TTLL7: variants seen among roughly 807,000 people sequenced by gnomAD.
The protein encoded by TTLL7 is tubulin tyrosine ligase like 7, also known as tubulin polyglutamylase TTLL7.
TTLL7 carries 53 observed loss-of-function variants against 120.2 expected under a neutral mutation model. The observed-to-expected ratio is 0.44, with a 90% CI of 0.35 to 0.55. TTLL7 has a LOEUF of 0.55. Among genes scored for constraint, TTLL7 ranks in the 20% least tolerant of loss-of-function variants. The probability of loss-of-function intolerance (pLI) is 0.00; values close to 1 mark genes in which losing one functional copy is unlikely to be tolerated. For missense variants in TTLL7, 803 were observed against 1,054.7 expected, an observed-to-expected ratio of 0.76 and a Z score of 3.31; for synonymous variants, 353 against 351.7, an observed-to-expected ratio of 1.00 and a Z score of -0.04.
intron 1 of TTLL7, among the ~76,000 whole-genome samples, chr1:83,992,652 T>C (rs77666368): frequency 0.024 from 3,667 of 152,214 alleles, 75 homozygotes; most frequent in African/African-American, 0.053. Context: ...GGAAATAATA[T>C]CTGCTAATCT....
At chr1:83,996,599 G>C (rs1226305725) in intron 1 of TTLL7, among the ~76,000 whole-genome samples, 1 of 152,154 alleles carries the variant, frequency 6.6e-6, no homozygotes, top group African/African-American at 2.4e-5. Context: ...CAGTAGGTCT[G>C]CACCACCCTT....
intron 1 of TTLL7, among the ~76,000 whole-genome samples, chr1:83,991,903 T>C (rs917208283): frequency 1.3e-5 from 2 of 152,136 alleles, no homozygotes; most frequent in African/African-American, 4.8e-5. Context: ...GTTTATATTA[T>C]TCTAAGTCCT....
At chr1:83,944,244 A>C (rs187510965) in intron 6 of TTLL7, among the ~76,000 whole-genome samples, 1 of 152,350 alleles carries the variant, frequency 6.6e-6, no homozygotes, top group East Asian at 1.9e-4. Context: ...GAATATTTGA[A>C]GAAATACTGG....
At chr1:83,906,800 G>C (rs1318327446) in intron 16 of TTLL7, among the ~76,000 whole-genome samples, 2 of 152,002 alleles carry the variant, frequency 1.3e-5, no homozygotes, top group South Asian at 4.1e-4. Flanking sequence ...TTGTTACCAA[G>C]TGAAATTCAC....
Position 83,882,990 on chromosome 1 carries a change from C to T in TTLL7, c.2516G>A (p.Gly839Asp). The T allele has an allele frequency of 6.2e-7, 1 of 1,612,350 alleles. No individual in the cohort carries two copies. Among genetic ancestry groups the T allele is most frequent in the Non-Finnish European group, 8.5e-7 (1 of 1,179,024 alleles). ...GGAATTACCCCAGTCAGGACCAATG[C>T]CTGAAAGTGATCCTCTTTTGTCAGT... ...YATDKRGSLS[G>D]IGPDWGNSRY... The change falls in exon 20 of 21, where the codon GGC becomes GAC. Residue 839 changes from glycine to aspartate, a missense_variant. By Grantham distance (94) the Gly-to-Asp change is moderately conservative (BLOSUM62 -1). Transcript: ENST00000260505.
At chr1:83,877,290 T>C (rs1654005683) in intron 20 of TTLL7, among the ~76,000 whole-genome samples, 1 of 152,016 alleles carries the variant, frequency 6.6e-6, no homozygotes, top group African/African-American at 2.4e-5. Flanking sequence ...AATATTTGGT[T>C]TAGGAGTTTT....
intron 14 of TTLL7, chr1:83,912,870 T>G (rs1351005015): frequency 6.6e-6 from 1 of 152,148 alleles, no homozygotes; most frequent in Non-Finnish European, 1.5e-5. Context: ...TCATCAAACA[T>G]TTTGACAATC....
intron 1 of TTLL7, among the ~76,000 whole-genome samples, chr1:83,985,114 T>C (rs1487520521): frequency 3.3e-5 from 5 of 152,102 alleles, no homozygotes; most frequent in Non-Finnish European, 5.9e-5. Flanking sequence ...AGTCCCACAA[T>C]AGGCCGCCTG....
At chr1:83,913,022 C>T (rs1657807982) in intron 14 of TTLL7, 1 of 152,134 alleles carries the variant, frequency 6.6e-6, no homozygotes, top group Non-Finnish European at 1.5e-5. Context: ...AGCTTGACTA[C>T]ATAATGAGTT....
chr1:83,948,091 A>G (rs141127398), intron 5 of TTLL7, among the ~76,000 whole-genome samples: 12 of 152,178 alleles, frequency 7.9e-5, no homozygotes, highest in African/African-American at 1.9e-4. Flanking sequence ...GAGCATATAT[A>G]CATGTGTCTT....
intron 1 of TTLL7, among the ~76,000 whole-genome samples, chr1:83,953,706 A>G (rs1649269836): frequency 6.6e-6 from 1 of 152,206 alleles, no homozygotes; most frequent in East Asian, 1.9e-4. Flanking sequence ...CTAAGGCTAG[A>G]TAAGTTAAAC....
chr1:83,979,694 GAT>G lies in TTLL7; in HGVS notation c.-177+19235_-177+19236del, dbSNP rs1651790587. On this transcript the variant is annotated intron_variant, in intron 1 of 20. Coordinates refer to ENST00000260505, the MANE Select transcript of TTLL7 (RefSeq NM_024686.6). Reference sequence around the variant, plus strand: ...TGGCCTACACCTAGGAATGATCAAAGATAGCTTGGAAGTTAGAAGCAAAATGG... The same window carrying G: ...TGGCCTACACCTAGGAATGATCAAAGAGCTTGGAAGTTAGAAGCAAAATGG... The G allele has an allele frequency of 2.6e-5, 4 of 152,292 alleles. No homozygotes were observed. In the South Asian group the frequency reaches 8.3e-4, roughly 32 times the overall value. 9.4% of individuals were successfully genotyped at this position (152,292 alleles called of 1,614,324 possible). A position where few individuals can be genotyped will look rare whatever the true frequency, so the allele number is the denominator to read the frequency against.
intron 10 of TTLL7, among the ~76,000 whole-genome samples, chr1:83,928,274 C>G (rs1359421082): frequency 6.6e-6 from 1 of 152,026 alleles, no homozygotes; most frequent in East Asian, 1.9e-4. Flanking sequence ...GGAAGCATAC[C>G]ATAACTCTGC....
intron 1 of TTLL7, among the ~76,000 whole-genome samples, chr1:83,987,783 A>G (rs537892883): frequency 6.6e-6 from 1 of 152,334 alleles, no homozygotes; most frequent in African/African-American, 2.4e-5. Flanking sequence ...AATGTTTGCA[A>G]AACATATTAT....
chr1:83,983,817 T>C (rs1181023012), intron 1 of TTLL7: 1 of 150,866 alleles, frequency 6.6e-6, no homozygotes, highest in Non-Finnish European at 1.5e-5. Flanking sequence ...AAAGGCTGAG[T>C]GCAGTGGCTC....
intron 1 of TTLL7, among the ~76,000 whole-genome samples, chr1:83,974,534 A>T (rs1222131370): frequency 6.6e-6 from 1 of 152,028 alleles, no homozygotes; most frequent in African/African-American, 2.4e-5. Context: ...TCTACTTAAT[A>T]CAATGAAAAA....
intron 19 of TTLL7, among the ~76,000 whole-genome samples, chr1:83,885,739 C>T (rs1654919096): frequency 6.6e-6 from 1 of 152,068 alleles, no homozygotes; most frequent in Admixed American, 6.6e-5. Flanking sequence ...GTATCCCCTA[C>T]TCCTACCTGC....
chr1:83,892,551 TATATGAAC>T (rs1189494381), intron 18 of TTLL7, among the ~76,000 whole-genome samples: 2,443 of 85,578 alleles, frequency 0.029, 3 homozygotes, highest in Non-Finnish European at 0.04. Context: ...AATGAACATA[TATATGAAC>T]ATATGAACAT....
rs1421625384 is a variant in TTLL7, at chr1:83,877,832, T to TTTC, written c.2543+5128_2543+5130dup. Among the ~76,000 whole-genome samples the TTTC allele has an allele frequency of 7.9e-5, 12 of 152,014 alleles. No homozygotes were observed. The East Asian group carries it at 2.3e-3, about 29-fold the overall frequency. On this transcript the variant is annotated intron_variant, in intron 20 of 20. Transcript: ENST00000260505. ...TATGTTTGTTTCATTATGTCATTAA[T>TTTC]TTCTTCTATTTTTATTATTTTTTTC...
Sources: allele counts gnomAD v4.1 joint callset (sites outside exome capture counted in the v4.1 genomes callset), GRCh38; gene constraint gnomAD v4.1.1; transcripts MANE v1.5; gene names NCBI Gene and HGNC (gene_info 2026-07-23, HGNC 2026-07-21).